Variants in PDE4DIP observed in about 807,000 individuals in gnomAD.
PDE4DIP encodes myomegalin.
Under a neutral mutation model 221.4 loss-of-function variants are expected in PDE4DIP, and 59 were observed. The ratio of observed to expected loss-of-function variants is 0.27; its 90% confidence interval spans 0.22 to 0.33. PDE4DIP has a LOEUF of 0.33. PDE4DIP is among the 10% of genes least tolerant of loss of function. The pLI is 1.00. For missense variants in PDE4DIP, 1,036 were observed against 2,154.2 expected, an observed-to-expected ratio of 0.48 and a Z score of 10.28; for synonymous variants, 404 against 815.9, an observed-to-expected ratio of 0.50 and a Z score of 8.60.
intron 4 of PDE4DIP, among the ~76,000 whole-genome samples, chr1:148,933,051 CTG>C (rs1485834010): frequency 7.2e-5 from 11 of 152,148 alleles, no homozygotes; most frequent in Admixed American, 7.2e-4. Context: ...GCCTCCAAAA[CTG>C]TGAGAAATAC....
chr1:148,815,073 G>T (rs1474534697), intron 1 of PDE4DIP, among the ~76,000 whole-genome samples: 4 of 111,740 alleles, frequency 3.6e-5, no homozygotes, highest in African/African-American at 1.1e-4. Context: ...AAAACAGTAA[G>T]GTAGATCTCA....
At chr1:148,950,821 T>TG (rs1172729113) in intron 5 of PDE4DIP, among the ~76,000 whole-genome samples, 5 of 146,298 alleles carry the variant, frequency 3.4e-5, no homozygotes, top group African/African-American at 7.7e-5. Context: ...TGAGATTTGG[T>TG]GGGGCCATAT....
intron 34 of PDE4DIP, 41 bp downstream of exon 37, chr1:149,017,920 G>A (rs1553613613): frequency 6.6e-7 from 1 of 1,521,478 alleles, no homozygotes. Flanking sequence ...GCTCTATTTA[G>A]GGACTTTTAG....
intron 43 of PDE4DIP, 36 bp from the exon 47 acceptor site, chr1:149,031,908 A>G (rs368942191): frequency 1.9e-6 from 3 of 1,586,324 alleles, no homozygotes; most frequent in South Asian, 1.1e-5. Flanking sequence ...GCCTGGCAAT[A>G]TACACTGATT....
intron 22 of PDE4DIP, chr1:148,992,933 T>C: frequency 9.6e-7 from 1 of 1,046,736 alleles, no homozygotes; most frequent in East Asian, 5.5e-5. Context: ...AGAGCCCAAA[T>C]AAGCATCCTC....
chr1:149,030,637 A>C (rs1281917277), intron 43 of PDE4DIP: 2 of 782,322 alleles, frequency 2.6e-6, no homozygotes, highest in Admixed American at 1.3e-4. Context: ...CTTCTAGTAG[A>C]GGGATCTTGA....
Position 148,937,761 on chromosome 1 carries a change from TG to T in PDE4DIP, c.534del (p.Asn179IlefsTer11). ...CTTTGCTTCAGGAGAATTGAAGAACTGAATCAGAGCCTGGCTGCCCAGGAGA... is the reference window on the plus strand; with the variant it reads ...CTTTGCTTCAGGAGAATTGAAGAACTAATCAGAGCCTGGCTGCCCAGGAGA... On this transcript the variant is annotated frameshift_variant, in exon 5 of 44. Transcript: ENST00000369354. LOFTEE classifies it high-confidence loss of function. 8.5e-7 allele frequency: 1 copy of T among 1,173,366 alleles called. No homozygotes were observed. The highest frequency in any genetic ancestry group is 1.3e-6 in the Non-Finnish European group (1 of 783,360). 72.7% of individuals were successfully genotyped at this position (1,173,366 alleles called of 1,614,324 possible).
chr1:148,975,186 T>C (rs144036625), intron 17 of PDE4DIP, among the ~76,000 whole-genome samples: 1 of 147,800 alleles, frequency 6.8e-6, no homozygotes, highest in East Asian at 2.6e-4. Context: ...ATAATAATAA[T>C]AATAATAATA....
chr1:148,987,833 G>A (rs1342163515), intron 21 of PDE4DIP, among the ~76,000 whole-genome samples: 1 of 152,146 alleles, frequency 6.6e-6, no homozygotes, highest in Admixed American at 6.6e-5. Flanking sequence ...CTTGGAGGCT[G>A]AGGTGGGAAG....
intron 1 of PDE4DIP, among the ~76,000 whole-genome samples, chr1:148,820,591 AGTT>A (rs1668856034): frequency 7.4e-6 from 1 of 135,346 alleles, no homozygotes; most frequent in Non-Finnish European, 1.6e-5. Context: ...GAAAGAAAGT[AGTT>A]GTCTTCTAGA....
chr1:148,935,191 C>T lies in PDE4DIP; in HGVS notation c.519-2556C>T, dbSNP rs2798878. 2.5e-3 allele frequency among the ~76,000 whole-genome samples: 370 copies of T among 147,124 alleles called. 1 individual carries two copies. Among genetic ancestry groups the T allele is most frequent in the African/African-American group, 8.2e-3 (314 of 38,256 alleles). On this transcript the variant is annotated intron_variant, in intron 4 of 43. Coordinates refer to ENST00000369354, the Ensembl canonical transcript of PDE4DIP. ...ATTGCGCCACTGCACTCCAGTCTGG[C>T]GACAGAGCAAGACTCCATCTCAAAA...
intron 1 of PDE4DIP, among the ~76,000 whole-genome samples, chr1:148,839,018 T>C (rs1433378469): frequency 7.4e-4 from 5 of 6,800 alleles, no homozygotes; most frequent in African/African-American, 2.0e-3. Flanking sequence ...CACTTTCAGA[T>C]ACCAAATTTA....
At chr1:148,892,166 C>T (rs1778600) in intron 1 of PDE4DIP, among the ~76,000 whole-genome samples, 5,733 of 118,032 alleles carry the variant, frequency 0.049, 1,033 homozygotes, top group African/African-American at 0.13. Flanking sequence ...GGCTAATTTT[C>T]GTATTTTTAA....
chr1:148,824,559 T>C (rs1268998410), intron 1 of PDE4DIP, among the ~76,000 whole-genome samples: 1 of 97,608 alleles, frequency 1.0e-5, no homozygotes, highest in Non-Finnish European at 2.2e-5. Flanking sequence ...GGGACCAACT[T>C]AGAGACTGCC....
chr1:148,948,239 G>C (rs587672036), intron 5 of PDE4DIP, among the ~76,000 whole-genome samples: 1 of 151,484 alleles, frequency 6.6e-6, no homozygotes, highest in Non-Finnish European at 1.5e-5. Flanking sequence ...CAAACTTTTC[G>C]TTATGTGCCT....
chr1:149,031,801 G>T (rs78482352), intron 43 of PDE4DIP, 143 bp from the exon 47 acceptor site: 3 of 749,010 alleles, frequency 4.0e-6, no homozygotes, highest in Non-Finnish European at 6.9e-6. Context: ...AGACTGCAGC[G>T]CATGCTCTTA....
exon 44 of PDE4DIP, chr1:149,032,155 C>G: frequency 7.6e-7 from 1 of 1,321,634 alleles, no homozygotes; most frequent in South Asian, 1.3e-5. Flanking sequence ...AGAGATGTAT[C>G]CTGGTGGAGC....
intron 1 of PDE4DIP, among the ~76,000 whole-genome samples, chr1:148,925,658 C>T (rs1553465316): frequency 6.6e-6 from 1 of 151,982 alleles, no homozygotes; most frequent in Non-Finnish European, 1.5e-5. Context: ...CACTAGTCAG[C>T]CTGGACATGA....
chr1:148,933,697 A>T (rs1206864516), intron 4 of PDE4DIP, among the ~76,000 whole-genome samples: 29 of 152,164 alleles, frequency 1.9e-4, no homozygotes, highest in Non-Finnish European at 3.8e-4. Flanking sequence ...TTTCCAAGAC[A>T]TAAATTTAAT....
Sources: allele counts gnomAD v4.1 joint callset (sites outside exome capture counted in the v4.1 genomes callset), GRCh38; gene constraint gnomAD v4.1.1; transcripts MANE v1.5; gene names NCBI Gene and HGNC (gene_info 2026-07-23, HGNC 2026-07-21).